Variants in WWTR1 observed in about 807,000 individuals in gnomAD.
The protein encoded by WWTR1 is WW domain containing transcription regulator 1, also known as WW domain-containing transcription regulator protein 1.
In WWTR1, 13 loss-of-function variants were observed where a neutral mutation model predicts 40.1. The ratio of observed to expected loss-of-function variants is 0.32; its 90% CI spans 0.21 to 0.52. WWTR1 has a LOEUF of 0.52. Among genes scored for constraint, WWTR1 ranks in the 20% least tolerant of loss-of-function variants. The pLI is 0.97. For synonymous variants in WWTR1, 230 were observed against 210.1 expected (o/e 1.09, Z -0.82); for missense variants, 436 against 523.1 (o/e 0.83, Z 1.63).
chr3:149,675,729 T>G (rs1003362847), intron 1 of WWTR1, among the ~76,000 whole-genome samples: 1 of 152,114 alleles, frequency 6.6e-6, no homozygotes, highest in African/African-American at 2.4e-5. Flanking sequence ...CTTTCTTTTT[T>G]TTTTTGAGAT....
intron 4 of WWTR1, among the ~76,000 whole-genome samples, chr3:149,533,106 C>G (rs1174823962): frequency 6.6e-6 from 1 of 152,204 alleles, no homozygotes; most frequent in Non-Finnish European, 1.5e-5. Context: ...TGTATATTCA[C>G]AGATCCCTTC....
At chr3:149,572,768 G>T in intron 3 of WWTR1, 96 bp downstream of exon 3, 2 of 1,424,352 alleles carry the variant, frequency 1.4e-6, no homozygotes, top group Non-Finnish European at 1.9e-6. Context: ...GATTGTTTGA[G>T]CCCACGAGTT....
chr3:149,574,207 A>T (rs1195319302), intron 2 of WWTR1, among the ~76,000 whole-genome samples: 5 of 151,714 alleles, frequency 3.3e-5, no homozygotes, highest in Admixed American at 6.6e-5. Flanking sequence ...ATTTTTTTTA[A>T]AAAATTTTTT....
At chr3:149,597,894 T>A (rs1281672967) in intron 2 of WWTR1, among the ~76,000 whole-genome samples, 1 of 152,220 alleles carries the variant, frequency 6.6e-6, no homozygotes, top group Non-Finnish European at 1.5e-5. Context: ...TGAAAATTAA[T>A]TCTGTGCAAA....
At chr3:149,668,834 A>T (rs4681186) in intron 2 of WWTR1, among the ~76,000 whole-genome samples, 59,094 of 151,806 alleles carry the variant, frequency 0.39, 11,685 homozygotes, top group Middle Eastern at 0.55. Context: ...TTGGTTTCAA[A>T]TTTTTTTTCA....
intron 2 of WWTR1, among the ~76,000 whole-genome samples, chr3:149,664,912 T>C (rs1479274772): frequency 6.6e-6 from 1 of 152,008 alleles, no homozygotes; most frequent in Non-Finnish European, 1.5e-5. Flanking sequence ...TTTTGTCTGA[T>C]GTTATCTGTT....
intron 4 of WWTR1, 128 bp downstream of exon 4, chr3:149,542,207 G>A (rs1736135905): frequency 9.3e-7 from 1 of 1,070,880 alleles, no homozygotes; most frequent in Non-Finnish European, 1.3e-6. Context: ...AAGAGGCTTG[G>A]AGTAGGGCTT....
chr3:149,556,619 C>G (rs959323066), intron 3 of WWTR1, among the ~76,000 whole-genome samples: 1 of 152,020 alleles, frequency 6.6e-6, no homozygotes, highest in Non-Finnish European at 1.5e-5. Context: ...AAAGAGGCCA[C>G]TCCTTGGGAT....
chr3:149,567,229 C>T (rs1737374208), intron 3 of WWTR1, among the ~76,000 whole-genome samples: 2 of 151,884 alleles, frequency 1.3e-5, no homozygotes, highest in South Asian at 4.1e-4. Flanking sequence ...ATGACACTTT[C>T]TTTTGGTAAA....
chr3:149,587,420 G>A (rs940608740), intron 2 of WWTR1, among the ~76,000 whole-genome samples: 4 of 152,088 alleles, frequency 2.6e-5, no homozygotes, highest in Non-Finnish European at 5.9e-5. Flanking sequence ...TCCACTGAAG[G>A]AGAAAACAGA....
intron 2 of WWTR1, among the ~76,000 whole-genome samples, chr3:149,581,537 T>C (rs1186624197): frequency 6.6e-6 from 1 of 152,128 alleles, no homozygotes; most frequent in Non-Finnish European, 1.5e-5. Context: ...AACTGATATA[T>C]AAATAGGGGA....
intron 3 of WWTR1, among the ~76,000 whole-genome samples, chr3:149,545,512 C>T (rs535056381): frequency 3.3e-5 from 5 of 151,956 alleles, no homozygotes; most frequent in Admixed American, 6.6e-5. Flanking sequence ...GGTTGTTAAC[C>T]CTATGTTGTT....
At chr3:149,628,643 A>C (rs927342578) in intron 2 of WWTR1, among the ~76,000 whole-genome samples, 2 of 151,848 alleles carry the variant, frequency 1.3e-5, no homozygotes, top group African/African-American at 4.9e-5. Flanking sequence ...TGGTTAACCT[A>C]GCTCAAGTCC....
intron 1 of WWTR1, among the ~76,000 whole-genome samples, chr3:149,691,481 T>C (rs1032843639): frequency 3.9e-5 from 6 of 151,942 alleles, no homozygotes; most frequent in African/African-American, 9.6e-5. Context: ...GGAGACATTA[T>C]AACTGATACC....
intron 2 of WWTR1, among the ~76,000 whole-genome samples, chr3:149,638,754 T>A (rs750208086): frequency 7.9e-5 from 12 of 152,142 alleles, no homozygotes; most frequent in Non-Finnish European, 1.6e-4. Flanking sequence ...GACCCCAGAG[T>A]ATTAAACATG....
At chr3:149,608,831 C>T (rs896550295) in intron 2 of WWTR1, among the ~76,000 whole-genome samples, 6 of 152,062 alleles carry the variant, frequency 3.9e-5, no homozygotes, top group South Asian at 4.1e-4. Context: ...AGCAGGAGGA[C>T]TGCTTGAGCC....
At chr3:149,649,955 T>C (rs1278172026) in intron 2 of WWTR1, 1 of 147,356 alleles carries the variant, frequency 6.8e-6, no homozygotes, top group African/African-American at 2.5e-5. Context: ...AGAGACAGAA[T>C]CTCGCTATGT....
chr3:149,703,579 G>A (rs531342997), upstream of WWTR1, among the ~76,000 whole-genome samples: 150 of 152,194 alleles, frequency 9.9e-4, 1 homozygote, highest in African/African-American at 3.5e-3. Context: ...CCCTCATTTT[G>A]GTTTGGATGT....
chr3:149,629,929 C>A (rs1711506387), intron 2 of WWTR1, among the ~76,000 whole-genome samples: 1 of 152,132 alleles, frequency 6.6e-6, no homozygotes, highest in African/African-American at 2.4e-5. Flanking sequence ...TCACTGCAAC[C>A]TCGACTTCCA....
Sources: gnomAD v4.1 joint callset for allele counts (sites outside exome capture counted in the v4.1 genomes callset) on GRCh38, gnomAD v4.1.1 for gene constraint, MANE v1.5 for transcripts, NCBI Gene and HGNC (gene_info 2026-07-23, HGNC 2026-07-21) for gene names.